The following GALNT13 variants were observed in gnomAD, a reference collection of about 807,000 sequenced individuals.
GALNT13 encodes polypeptide N-acetylgalactosaminyltransferase 13.
In GALNT13, 28 loss-of-function variants were observed where a neutral mutation model predicts 64.2. The ratio of observed to expected loss-of-function variants is 0.44; its 90% CI spans 0.32 to 0.60. The LOEUF (loss-of-function observed/expected upper bound fraction) is 0.60, where lower values mean the gene tolerates loss of function less well. Ranked by LOEUF, GALNT13 falls within the 20% of genes least tolerant of loss-of-function variation. GALNT13 has a pLI of 0.05. For missense variants in GALNT13, 577 were observed against 669.8 expected (o/e 0.86, Z 1.53); for synonymous variants, 214 against 224.6 (o/e 0.95, Z 0.42).
At chr2:153,339,744 G>T in the GALNT13 span, among the ~76,000 whole-genome samples, 1 of 152,182 alleles carries the variant, frequency 6.6e-6, no homozygotes, top group African/African-American at 2.4e-5. Flanking sequence ...AGGTCTTATG[G>T]TTAAGTCTTT....
chr2:154,139,690 T>C (rs1318967878), intron 3 of GALNT13, among the ~76,000 whole-genome samples: 1 of 151,696 alleles, frequency 6.6e-6, no homozygotes, highest in Admixed American at 6.6e-5. Context: ...GAAGGGACTT[T>C]AGTGTAGTGA....
intron 2 of GALNT13, among the ~76,000 whole-genome samples, chr2:153,919,397 T>C (rs1052910425): frequency 1.3e-5 from 2 of 152,006 alleles, no homozygotes; most frequent in Non-Finnish European, 2.9e-5. Context: ...GATTTGTGAA[T>C]ACCACTATTT....
intron 3 of GALNT13, among the ~76,000 whole-genome samples, chr2:153,962,708 A>G (rs1574215623): frequency 1.3e-5 from 2 of 152,210 alleles, no homozygotes; most frequent in South Asian, 2.1e-4. Context: ...TTAATTTTAC[A>G]GTTTCATGAG....
the GALNT13 span, among the ~76,000 whole-genome samples, chr2:153,326,593 C>T: frequency 6.6e-6 from 1 of 152,120 alleles, no homozygotes. Context: ...ATGGTCTTTA[C>T]ATTTTGGTAT....
At chr2:154,342,514 C>A (rs756497172) in intron 9 of GALNT13, among the ~76,000 whole-genome samples, 1 of 151,566 alleles carries the variant, frequency 6.6e-6, no homozygotes, top group African/African-American at 2.4e-5. Flanking sequence ...ACTAAGAATT[C>A]GTTTTACATT....
At chr2:153,424,431 T>C in the GALNT13 span, among the ~76,000 whole-genome samples, 1 of 151,724 alleles carries the variant, frequency 6.6e-6, no homozygotes, top group Non-Finnish European at 1.5e-5. Context: ...AAATAATTTC[T>C]TCCAAACAAG....
At chr2:154,326,367 T>C (rs1301633007) in intron 9 of GALNT13, among the ~76,000 whole-genome samples, 1 of 151,590 alleles carries the variant, frequency 6.6e-6, no homozygotes, top group African/African-American at 2.4e-5. Flanking sequence ...GAATGTCAGA[T>C]CAACAATAAA....
the GALNT13 span, among the ~76,000 whole-genome samples, chr2:153,199,197 A>T: frequency 6.6e-6 from 1 of 152,216 alleles, no homozygotes; most frequent in Non-Finnish European, 1.5e-5. Flanking sequence ...CTCATGAAGT[A>T]TGTCTTTCAT....
chr2:153,942,543 G>A (rs1477287076), intron 2 of GALNT13, among the ~76,000 whole-genome samples: 1 of 151,890 alleles, frequency 6.6e-6, no homozygotes, highest in Non-Finnish European at 1.5e-5. Flanking sequence ...TTATTATCAG[G>A]TTTAGAGGCT....
At chr2:154,235,403 C>A (rs1365123095) in intron 4 of GALNT13, among the ~76,000 whole-genome samples, 1 of 152,016 alleles carries the variant, frequency 6.6e-6, no homozygotes, top group Non-Finnish European at 1.5e-5. Context: ...TACTTCAGGC[C>A]CCAAGCTGCT....
chr2:153,800,403 G>T, the GALNT13 span, among the ~76,000 whole-genome samples: 1 of 152,224 alleles, frequency 6.6e-6, no homozygotes, highest in South Asian at 2.1e-4. Flanking sequence ...ACTGATCAGG[G>T]TGGTGGCTAT....
chr2:153,384,786 TAAA>T, the GALNT13 span, among the ~76,000 whole-genome samples: 71 of 152,074 alleles, frequency 4.7e-4, no homozygotes, highest in African/African-American at 1.6e-3. Flanking sequence ...TGAGGAGAAA[TAAA>T]AATCTCTTTT....
chr2:153,361,574 A>T, the GALNT13 span, among the ~76,000 whole-genome samples: 476 of 152,162 alleles, frequency 3.1e-3, 7 homozygotes, highest in Admixed American at 3.5e-3. Context: ...CTCATAAAGC[A>T]TACACAATTA....
chr2:154,028,900 C>T (rs1698156091), intron 3 of GALNT13, among the ~76,000 whole-genome samples: 1 of 151,980 alleles, frequency 6.6e-6, no homozygotes, highest in Non-Finnish European at 1.5e-5. Context: ...CACAACTTTT[C>T]ATGGAGTCAT....
intron 8 of GALNT13, among the ~76,000 whole-genome samples, chr2:154,263,874 G>A (rs923236263): frequency 5.3e-5 from 8 of 152,068 alleles, no homozygotes; most frequent in African/African-American, 1.9e-4. Context: ...AAAAATACAT[G>A]AAATAACACT....
the GALNT13 span, among the ~76,000 whole-genome samples, chr2:153,856,799 C>T: frequency 6.6e-6 from 1 of 151,974 alleles, no homozygotes; most frequent in Non-Finnish European, 1.5e-5. Flanking sequence ...ATGTGTTAAA[C>T]TAAGGACAAG....
chr2:153,147,640 A>T, the GALNT13 span, among the ~76,000 whole-genome samples: 1 of 150,178 alleles, frequency 6.7e-6, no homozygotes, highest in Non-Finnish European at 1.5e-5. Context: ...CAGCAAAGTC[A>T]CCTTATATAA....
chr2:154,345,984 A>G (rs1410028183), intron 9 of GALNT13, among the ~76,000 whole-genome samples: 2 of 152,094 alleles, frequency 1.3e-5, no homozygotes, highest in Non-Finnish European at 2.9e-5. Context: ...GCCTATAGTA[A>G]CATTCCATTC....
At chr2:153,206,942 T>G in the GALNT13 span, among the ~76,000 whole-genome samples, 3 of 152,080 alleles carry the variant, frequency 2.0e-5, no homozygotes, top group African/African-American at 7.2e-5. Context: ...AAGCCTATAT[T>G]CCCAGCTCTT....
Sources: allele counts gnomAD v4.1 joint callset (sites outside exome capture counted in the v4.1 genomes callset), GRCh38; gene constraint gnomAD v4.1.1; transcripts MANE v1.5; gene names NCBI Gene and HGNC (gene_info 2026-07-23, HGNC 2026-07-21).